Variants in CCDC175 observed in about 807,000 individuals in gnomAD.
The protein encoded by CCDC175 is coiled-coil domain-containing protein 175.
A neutral mutation model predicts 114.6 loss-of-function variants in CCDC175; 100 were observed. The observed-to-expected ratio is 0.87, with a 90% CI of 0.74 to 1.03. The LOEUF is 1.03. CCDC175 is among the 50% of genes least tolerant of loss of function. The pLI, the probability that CCDC175 is intolerant of heterozygous loss-of-function variation, is 0.00. For missense variants in CCDC175, 880 were observed against 917.8 expected (o/e 0.96, Z 0.53); for synonymous variants, 306 against 308.7 (o/e 0.99, Z 0.09).
At chr14:59,569,020 G>A (rs937152053) in intron 3 of CCDC175, among the ~76,000 whole-genome samples, 4 of 152,118 alleles carry the variant, frequency 2.6e-5, no homozygotes, top group Non-Finnish European at 4.4e-5. Flanking sequence ...CTTTTTGGGG[G>A]AACCCAATGT....
Position 59,551,415 on chromosome 14 carries a change from T to C in CCDC175, c.975A>G (p.Lys325=). ...CATTAGATATATCATCTAGTTTTTCTTTGTTATCTGTGAAAAAACACCTAT... is the reference window on the plus strand; with the variant it reads ...CATTAGATATATCATCTAGTTTTTCCTTGTTATCTGTGAAAAAACACCTAT... The part of the protein sequence containing the change: ...EAKLCFFTDN[K]EKLDDISNDE... The change falls in exon 8 of 20, where the codon AAA becomes AAG. Residue 325 remains lysine, a synonymous_variant. Coordinates refer to ENST00000537690, the MANE Select transcript of CCDC175 (RefSeq NM_001164399.2). 1 of 1,453,828 alleles carries C rather than the reference T, an allele frequency of 6.9e-7. No individual in the cohort carries two copies. The allele number at this position is 1,453,828 out of a possible 1,614,324, so 90.1% of individuals were successfully genotyped here. A position where few individuals can be genotyped will look rare whatever the true frequency, so the allele number is the denominator to read the frequency against.
At chr14:59,560,844 G>A (rs1035965264) in intron 7 of CCDC175, among the ~76,000 whole-genome samples, 3 of 152,016 alleles carry the variant, frequency 2.0e-5, no homozygotes, top group Non-Finnish European at 2.9e-5. Context: ...TAGGGAGTTC[G>A]GAACTGAAAT....
chr14:59,538,644 A>T, intron 12 of CCDC175, 61 bp downstream of exon 12: 1 of 1,284,728 alleles, frequency 7.8e-7, no homozygotes, highest in South Asian at 1.6e-5. Context: ...ATTAAATATT[A>T]AAGGAGAATT....
intron 3 of CCDC175, among the ~76,000 whole-genome samples, chr14:59,569,809 G>A (rs1896748374): frequency 6.6e-6 from 1 of 152,196 alleles, no homozygotes. Context: ...AGAATAAACA[G>A]AGGATTAGAG....
At chr14:59,560,388 C>T (rs931351484) in intron 7 of CCDC175, among the ~76,000 whole-genome samples, 2 of 152,074 alleles carry the variant, frequency 1.3e-5, no homozygotes, top group African/African-American at 4.8e-5. Context: ...TATAAGACTC[C>T]ATCTTCTTGT....
In CCDC175 at chr14:59,510,710, C is replaced by T; in HGVS notation, c.2241G>A (p.Trp747Ter). 1 of 1,537,264 alleles carries T rather than the reference C, an allele frequency of 6.5e-7. No homozygotes were observed. The highest frequency in any genetic ancestry group is 8.7e-7 in the Non-Finnish European group (1 of 1,146,908). ...RDEKMQHVST[W>*]LRGSLEGLRL... ...GCAGCCCTTCAAGACTCCCTCGTAG[C>T]CATGTACTGACATGCTGCATTTTTT... Residue 747 changes from tryptophan (W) to a stop codon, truncating the protein, a stop_gained, in exon 19 of 20, where the codon TGG becomes TGA. Coordinates refer to ENST00000537690, the MANE Select transcript of CCDC175 (RefSeq NM_001164399.2). LOFTEE classifies it high-confidence loss of function.
intron 19 of CCDC175, among the ~76,000 whole-genome samples, chr14:59,508,423 C>CACACACACACACACACACACAT (rs1244962098): frequency 7.2e-4 from 109 of 150,552 alleles, no homozygotes; most frequent in Non-Finnish European, 1.2e-3. Context: ...CACACACACA[C>CACACACACACACACACACACAT]ACACACACAC....
At chr14:59,560,687 G>C (rs1480732829) in intron 7 of CCDC175, among the ~76,000 whole-genome samples, 1 of 152,150 alleles carries the variant, frequency 6.6e-6, no homozygotes, top group Non-Finnish European at 1.5e-5. Flanking sequence ...CCCACGTGTA[G>C]CAGTTTTTGC....
Position 59,513,916 on chromosome 14 carries a change from T to C in CCDC175, c.2099-2113A>G, listed in dbSNP as rs1892899592. On this transcript the variant is annotated intron_variant, in intron 17 of 19. Coordinates refer to ENST00000537690, the MANE Select transcript of CCDC175 (RefSeq NM_001164399.2). ...AGTAGCGTAACTGGGAGGCACCTCC[T>C]AGTAGGGGCAGACTGACACCTCACA... Among the ~76,000 whole-genome samples, 2 of 152,094 alleles carry C rather than the reference T, an allele frequency of 1.3e-5. 1 individual carries two copies. The highest frequency in any genetic ancestry group is 4.2e-4 in the South Asian group (2 of 4,818).
intron 18 of CCDC175, among the ~76,000 whole-genome samples, chr14:59,511,380 G>A (rs1171353161): frequency 6.6e-6 from 1 of 152,072 alleles, no homozygotes; most frequent in African/African-American, 2.4e-5. Flanking sequence ...GGGTGCAGAT[G>A]TTGCACTGGT....
At chr14:59,508,510 A>G (rs921733577) in intron 19 of CCDC175, among the ~76,000 whole-genome samples, 2 of 130,808 alleles carry the variant, frequency 1.5e-5, no homozygotes, top group Admixed American at 9.1e-5. Context: ...ATTGCTTGAG[A>G]CTGGGAGGCA....
In CCDC175 at chr14:59,528,081, A is replaced by C. The variant is rs74315762; in HGVS notation, c.1763-907T>G. 4.0e-3 allele frequency among the ~76,000 whole-genome samples: 616 copies of C among 152,210 alleles called. 4 individuals are homozygous for C. Among genetic ancestry groups the C allele is most frequent in the African/African-American group, 0.014 (576 of 41,562 alleles). On this transcript the variant is annotated intron_variant, in intron 14 of 19. Coordinates refer to ENST00000537690, the MANE Select transcript of CCDC175 (RefSeq NM_001164399.2). Reference sequence around the variant, plus strand: ...TGGGATAAATGTTTTGAGATCTTGTATATCTCAATATGTTTCTATTCTATA... The same window carrying C: ...TGGGATAAATGTTTTGAGATCTTGTCTATCTCAATATGTTTCTATTCTATA...
intron 8 of CCDC175, among the ~76,000 whole-genome samples, chr14:59,547,525 G>C (rs1161956765): frequency 6.6e-6 from 1 of 152,154 alleles, no homozygotes; most frequent in Non-Finnish European, 1.5e-5. Context: ...AATGAATAGA[G>C]TCAACAATCC....
At chr14:59,567,979 C>A (rs1896650568) in intron 4 of CCDC175, among the ~76,000 whole-genome samples, 1 of 152,174 alleles carries the variant, frequency 6.6e-6, no homozygotes, top group South Asian at 2.1e-4. Context: ...GATTTACAAA[C>A]AGTAGTTGCT....
chr14:59,574,815 T>C lies in CCDC175; in HGVS notation c.243+128A>G, dbSNP rs1897017815. 4 of 525,198 alleles carry C rather than the reference T, an allele frequency of 7.6e-6. No individual in the cohort carries two copies. The South Asian group carries it at 1.2e-4, about 16-fold the overall frequency. The allele number at this position is 525,198 out of a possible 1,614,324, so 32.5% of individuals were successfully genotyped here. ...TCCTTACAAAATTGAGAGAAAAATA[T>C]TTTTAAGTTCAGGGTAACTATATTC... On this transcript the variant is annotated intron_variant, in intron 2 of 19. Transcript: ENST00000537690.
At chr14:59,555,097 C>A (rs1895798528) in intron 7 of CCDC175, among the ~76,000 whole-genome samples, 1 of 152,184 alleles carries the variant, frequency 6.6e-6, no homozygotes, top group Non-Finnish European at 1.5e-5. Flanking sequence ...AGAGGGAATC[C>A]TCCCTAACTC....
intron 11 of CCDC175, among the ~76,000 whole-genome samples, chr14:59,539,139 G>A (rs1894603316): frequency 6.6e-6 from 1 of 152,200 alleles, no homozygotes. Flanking sequence ...AAGGCTTGGG[G>A]CAAGTGGAAA....
intron 7 of CCDC175, among the ~76,000 whole-genome samples, chr14:59,556,769 G>GA (rs1233562670): frequency 2.0e-5 from 3 of 152,024 alleles, no homozygotes; most frequent in African/African-American, 7.2e-5. Flanking sequence ...AAATTTATAA[G>GA]AAAAAAACAA....
chr14:59,519,078 A>T (rs969848248), intron 17 of CCDC175, among the ~76,000 whole-genome samples: 16 of 152,156 alleles, frequency 1.1e-4, no homozygotes, highest in Admixed American at 8.5e-4. Context: ...ACAAAAAACC[A>T]AACACCACAT....
Sources: allele counts gnomAD v4.1 joint callset (sites outside exome capture counted in the v4.1 genomes callset), GRCh38; gene constraint gnomAD v4.1.1; transcripts MANE v1.5; gene names NCBI Gene and HGNC (gene_info 2026-07-23, HGNC 2026-07-21).